The following PDLIM4 variants were observed in gnomAD, a reference collection of about 807,000 sequenced individuals.
The protein encoded by PDLIM4 is PDZ and LIM domain 4.
Under a neutral mutation model 31.3 loss-of-function variants are expected in PDLIM4, and 19 were observed. The ratio of observed to expected loss-of-function variants is 0.61; its 90% confidence interval spans 0.42 to 0.89. The LOEUF is 0.89. Ranked by LOEUF, PDLIM4 falls within the 40% of genes least tolerant of loss-of-function variation. The probability of loss-of-function intolerance (pLI) is 0.00; values close to 1 mark genes in which losing one functional copy is unlikely to be tolerated. For synonymous variants in PDLIM4, 176 were observed against 190.1 expected (o/e 0.93, Z 0.61); for missense variants, 442 against 461.1 (o/e 0.96, Z 0.38).
At position 132,257,853 on chromosome 5, in the gene PDLIM4, A is replaced by C. The variant is rs1377141154; in HGVS notation, c.93+26A>C. 8.9e-6 allele frequency: 12 copies of C among 1,351,224 alleles called. No individual in the cohort carries two copies. Among genetic ancestry groups the C allele is most frequent in the Admixed American group, 2.6e-5 (1 of 38,728 alleles). 83.7% of individuals were successfully genotyped at this position (1,351,224 alleles called of 1,614,324 possible). ...GTGAGTCTGGCGGCTGCGTGGCGGC[A>C]GGGCGGTCCCATGTCTGAGACCGGG... On this transcript the variant is annotated intron_variant, in intron 1 of 6. Coordinates refer to ENST00000253754, the MANE Select transcript of PDLIM4 (RefSeq NM_003687.4). The surrounding 1 kb of genome is among the most constrained non-coding windows in gnomAD (Gnocchi z 4.3).
intron 3 of PDLIM4, chr5:132,270,627 A>C: frequency 2.0e-6 from 1 of 506,362 alleles, no homozygotes; most frequent in South Asian, 2.6e-5. Flanking sequence ...GGTGGTGGGC[A>C]GAACCACTGC....
rs752956503 is a variant in PDLIM4, at chr5:132,271,879, C to T, written c.759C>T (p.Pro253=). The T allele has an allele frequency of 8.1e-6, 13 of 1,609,322 alleles. No homozygotes were observed. Among genetic ancestry groups the T allele is most frequent in the African/African-American group, 4.0e-5 (3 of 74,792 alleles). Residue 253 remains proline (P), a synonymous_variant, in exon 6 of 7, where the codon CCC becomes CCT. Transcript: ENST00000253754. ...CGCTGAGCGGCCTGCAGGGGCTGCC[C>T]GAGTGCACGCGCTGCGGCCACGGCA... ...GAPLSGLQGL[P]ECTRCGHGIV...
rs1756280683 is a variant in PDLIM4 at position 132,257,911 on chromosome 5, G to A, written c.93+84G>A. The stretch of plus-strand genomic sequence containing the variant: ...GGTCCGCCCGGGACCCAGATCCCCT[G>A]TGTATCCGAGGCTTGAAGGCGGAGG... On this transcript the variant is annotated intron_variant, in intron 1 of 6. Coordinates refer to ENST00000253754, the MANE Select transcript of PDLIM4 (RefSeq NM_003687.4). The surrounding 1 kb of genome is among the most constrained non-coding windows in gnomAD (Gnocchi z 4.3). 1.1e-5 allele frequency: 8 copies of A among 743,288 alleles called. No homozygotes were observed. Among genetic ancestry groups the A allele is most frequent in the South Asian group, 4.9e-5 (2 of 40,614 alleles). The allele number at this position is 743,288 out of a possible 1,614,324, so 46.0% of individuals were successfully genotyped here. A position where few individuals can be genotyped will look rare whatever the true frequency, so the allele number is the denominator to read the frequency against.
At position 132,271,455 on chromosome 5, in the gene PDLIM4, C is replaced by T. The variant is rs1314622362; in HGVS notation, c.659C>T (p.Ala220Val). 6.2e-7 allele frequency: 1 copy of T among 1,608,462 alleles called. No homozygotes were observed. Among genetic ancestry groups the T allele is most frequent in the Non-Finnish European group, 8.5e-7 (1 of 1,179,886 alleles). The change falls in exon 5 of 7, where the codon GCC becomes GTC. Residue 220 changes from alanine to valine, a missense_variant. Transcript: ENST00000253754. ...CGCTACTTGCAGGGCATGCTAGAGG[C>T]CGGCGAGGGCGGTAAGACGCCTGCC... ...SFRYLQGMLE[A>V]GEGGDWPGPG...
intron 2 of PDLIM4, among the ~76,000 whole-genome samples, chr5:132,263,300 G>T (rs896782260): frequency 6.6e-6 from 1 of 152,246 alleles, no homozygotes; most frequent in Admixed American, 6.5e-5. Context: ...CCTTAACTTG[G>T]CTGCTGACTA....
chr5:132,258,183 G>A (rs1156284035), intron 1 of PDLIM4, among the ~76,000 whole-genome samples: 1 of 152,230 alleles, frequency 6.6e-6, no homozygotes, highest in South Asian at 2.1e-4. Flanking sequence ...CTCACCCCCT[G>A]CCTGAAGATC....
At chr5:132,258,602 G>A (rs1035680411) in intron 1 of PDLIM4, among the ~76,000 whole-genome samples, 5 of 152,172 alleles carry the variant, frequency 3.3e-5, no homozygotes, top group African/African-American at 1.2e-4. Context: ...CCTGTTCGAG[G>A]GGGTGCCTGT....
Position 132,257,742 on chromosome 5 carries a change from A to G in PDLIM4, c.8A>G (p.His3Arg). The change falls in exon 1 of 7, where the codon CAT becomes CGT. Residue 3 changes from histidine to arginine, a missense_variant. Transcript: ENST00000253754. This position sits in a 1 kb window ranked among gnomAD's most constrained non-coding sequence, Gnocchi z 4.3. MP[H>R]SVTLRGPSPW... ...CTGCGGCTCCAGCCCGCGATGCCCC[A>G]TTCCGTGACCCTGCGCGGGCCTTCG... 1 of 1,485,384 alleles carries G rather than the reference A, an allele frequency of 6.7e-7. No individual in the cohort carries two copies. Among genetic ancestry groups the G allele is most frequent in the Non-Finnish European group, 8.9e-7 (1 of 1,122,382 alleles). The allele number at this position is 1,485,384 out of a possible 1,614,324, so 92.0% of individuals were successfully genotyped here.
chr5:132,271,906 C>T lies in PDLIM4; in HGVS notation c.786C>T (p.Ile262=). Residue 262 remains isoleucine (I), a splice_region_variant and synonymous_variant, in exon 6 of 7, where the codon ATC becomes ATT. Coordinates refer to ENST00000253754, the MANE Select transcript of PDLIM4 (RefSeq NM_003687.4). ...LPECTRCGHG[I]VGTIVKARDK... ...AGTGCACGCGCTGCGGCCACGGCAT[C>T]GTGTGAGTAACCGCCCCCGCTGCCC... is the stretch of plus-strand genomic sequence containing the variant. The T allele has an allele frequency of 2.5e-6, 4 of 1,605,078 alleles. No homozygotes were observed. In the South Asian group the frequency reaches 3.3e-5, roughly 13 times the overall value.
At chr5:132,265,647 T>C (rs1205888535) in intron 2 of PDLIM4, among the ~76,000 whole-genome samples, 15 of 152,200 alleles carry the variant, frequency 9.9e-5, no homozygotes, top group Non-Finnish European at 1.5e-5. Flanking sequence ...TAATGAGACC[T>C]TGAGAAGCCT....
chr5:132,265,221 T>C (rs1319555023), intron 2 of PDLIM4, among the ~76,000 whole-genome samples: 1 of 152,212 alleles, frequency 6.6e-6, no homozygotes, highest in Non-Finnish European at 1.5e-5. Context: ...ATCTGATGCA[T>C]TGGGCCACAT....
At chr5:132,267,469 T>G (rs1299351374) in intron 3 of PDLIM4, among the ~76,000 whole-genome samples, 1 of 152,198 alleles carries the variant, frequency 6.6e-6, no homozygotes, top group African/African-American at 2.4e-5. Context: ...CAGTGCCCAT[T>G]CTGGCAGGGG....
In PDLIM4 at chr5:132,271,777, G is replaced by C. The variant is rs752327613; in HGVS notation, c.671-14G>C. The C allele has an allele frequency of 1.9e-6, 3 of 1,565,920 alleles. No homozygotes were observed. In the South Asian group the frequency reaches 3.3e-5, roughly 17 times the overall value. ...TCCTCACCCCGTTCATGCCACCTAC[G>C]CTCCGGGTTTCAGGGGATTGGCCCG... is the stretch of plus-strand genomic sequence containing the variant. On this transcript the variant is annotated splice_polypyrimidine_tract_variant and intron_variant, in intron 5 of 6. Coordinates refer to ENST00000253754, the MANE Select transcript of PDLIM4 (RefSeq NM_003687.4).
chr5:132,271,121 G>T lies in PDLIM4; in HGVS notation c.506+28G>T, dbSNP rs993719189. ...AGCACAGAGATGCCTTCGGTGCCAT[G>T]CCCAGAACCCATCTTAACCCTTGAT... On this transcript the variant is annotated intron_variant, in intron 4 of 6. Coordinates refer to ENST00000253754, the MANE Select transcript of PDLIM4 (RefSeq NM_003687.4). 2.5e-6 allele frequency: 4 copies of T among 1,603,176 alleles called. 1 individual carries two copies. In the Admixed American group the frequency reaches 6.7e-5, roughly 27 times the overall value.
In PDLIM4 at chr5:132,270,806, G is replaced by A. The variant is rs867149506; in HGVS notation, c.328-109G>A. On this transcript the variant is annotated intron_variant, in intron 3 of 6. Coordinates refer to ENST00000253754, the MANE Select transcript of PDLIM4 (RefSeq NM_003687.4). ...GGCCAGAGATGCCGAAGCAGAGGAAGCCAACTGACATCCACCACCTGGCAC... is the reference window on the plus strand; with the variant it reads ...GGCCAGAGATGCCGAAGCAGAGGAAACCAACTGACATCCACCACCTGGCAC... 16 of 953,012 alleles carry A rather than the reference G, an allele frequency of 1.7e-5. No homozygotes were observed. The South Asian group carries it at 1.8e-4, about 10-fold the overall frequency. 59.0% of individuals were successfully genotyped at this position (953,012 alleles called of 1,614,324 possible). A position where few individuals can be genotyped will look rare whatever the true frequency, so the allele number is the denominator to read the frequency against.
intron 3 of PDLIM4, among the ~76,000 whole-genome samples, chr5:132,270,206 T>C (rs1454841366): frequency 6.6e-6 from 1 of 152,208 alleles, no homozygotes; most frequent in Non-Finnish European, 1.5e-5. Flanking sequence ...GTTTCAGCCA[T>C]GGGCACCAGG....
rs371120846 is a variant in PDLIM4, at chr5:132,271,834, G to A, written c.714G>A (p.Thr238=). 93 of 1,612,766 alleles carry A rather than the reference G, an allele frequency of 5.8e-5. No individual in the cohort carries two copies. The highest frequency in any genetic ancestry group is 2.1e-4 in the African/African-American group (16 of 74,914). ...GCGGCCCCCGGAACCTCAAGCCCAC[G>A]GCCAGCAAGCTGGGCGCTCCGCTGA... ...GPGGPRNLKP[T]ASKLGAPLSG... The change falls in exon 6 of 7, where the codon ACG becomes ACA. Residue 238 remains threonine (T), a synonymous_variant. Coordinates refer to ENST00000253754, the MANE Select transcript of PDLIM4 (RefSeq NM_003687.4).
chr5:132,271,363 G>T lies in PDLIM4; in HGVS notation c.567G>T (p.Glu189Asp). Residue 189 changes from glutamate to aspartate, a missense_variant, in exon 5 of 7, where the codon GAG becomes GAT. Physicochemically the swap from Glu to Asp is conservative, Grantham distance 45. Coordinates refer to ENST00000253754, the MANE Select transcript of PDLIM4 (RefSeq NM_003687.4). ...ACTGCAGAGTCGACCTGGGCTCCGA[G>T]GTGTACAGGATGCTGCGGGAGCCAG... Reference protein sequence around the residue: ...SRDCRVDLGSEVYRMLREPAE... With the variant: ...SRDCRVDLGSDVYRMLREPAE... The T allele has an allele frequency of 6.2e-7, 1 of 1,605,932 alleles. No homozygotes were observed.
rs1331697277 is a variant in PDLIM4, at chr5:132,271,810, C to A, written c.690C>A (p.Gly230=). The A allele has an allele frequency of 4.3e-6, 7 of 1,610,478 alleles. No individual in the cohort carries two copies. Among genetic ancestry groups the A allele is most frequent in the Middle Eastern group, 1.6e-4 (1 of 6,082 alleles). Residue 230 remains glycine (G), a synonymous_variant, in exon 6 of 7, where the codon GGC becomes GGA. Transcript: ENST00000253754. ...TTTCAGGGGATTGGCCCGGGCCTGGCGGCCCCCGGAACCTCAAGCCCACGG... is the reference window on the plus strand; with the variant it reads ...TTTCAGGGGATTGGCCCGGGCCTGGAGGCCCCCGGAACCTCAAGCCCACGG... ...AGEGGDWPGP[G]GPRNLKPTAS...
Sources: gnomAD v4.1 joint callset for allele counts (sites outside exome capture counted in the v4.1 genomes callset) on GRCh38, gnomAD v4.1.1 for gene constraint, Gnocchi (gnomAD v3.1) non-coding constraint, MANE v1.5 for transcripts, NCBI Gene and HGNC (gene_info 2026-07-23, HGNC 2026-07-21) for gene names.